Variants in DRD3 observed in about 807,000 individuals in gnomAD.
DRD3 encodes the protein D(3) dopamine receptor.
A neutral mutation model predicts 36.3 loss-of-function variants in DRD3; 19 were observed. The ratio of observed to expected loss-of-function variants is 0.52; its 90% CI spans 0.36 to 0.77. The LOEUF is 0.77. DRD3 is among the 30% of genes least tolerant of loss of function. The pLI, the probability that DRD3 is intolerant of heterozygous loss-of-function variation, is 0.00. For synonymous variants in DRD3, 195 were observed against 203.7 expected (o/e 0.96, Z 0.36); for missense variants, 465 against 505.3 (o/e 0.92, Z 0.77).
rs568450027 is a variant in DRD3 at position 114,161,468 on chromosome 3, C to T, written c.271-1601G>A. 5.9e-5 allele frequency among the ~76,000 whole-genome samples: 9 copies of T among 152,314 alleles called. No individual in the cohort carries two copies. In the East Asian group the frequency reaches 1.7e-3, roughly 29 times the overall value. On this transcript the variant is annotated intron_variant, in intron 2 of 6. Coordinates refer to ENST00000383673, the MANE Select transcript of DRD3 (RefSeq NM_000796.6). ...CTTCCCTGTCCCTGATAACTTCTTC[C>T]CATTGGATTTATTTCTTTTTTTGCA...
At chr3:114,134,456 T>C (rs1008162452) in intron 5 of DRD3, among the ~76,000 whole-genome samples, 2 of 152,080 alleles carry the variant, frequency 1.3e-5, no homozygotes, top group African/African-American at 4.8e-5. Context: ...AGTCTCACTC[T>C]GTCACCAGGC....
At chr3:114,153,151 A>T (rs1235355462) in intron 3 of DRD3, among the ~76,000 whole-genome samples, 1 of 152,160 alleles carries the variant, frequency 6.6e-6, no homozygotes, top group African/African-American at 2.4e-5. Context: ...CTGTGTAGCC[A>T]TGGGCCAGTG....
intron 1 of DRD3, among the ~76,000 whole-genome samples, chr3:114,191,765 T>C: frequency 6.6e-6 from 1 of 152,084 alleles, no homozygotes; most frequent in East Asian, 1.9e-4. Flanking sequence ...GGATAAATTG[T>C]GGGACATGAG....
Position 114,197,277 on chromosome 3 carries a change from ATTTTTT to A in DRD3, c.-156+1990_-156+1995del, listed in dbSNP as rs58452737. Among the ~76,000 whole-genome samples the A allele has an allele frequency of 5.0e-3, 443 of 89,374 alleles. 1 individual carries two copies. Among genetic ancestry groups the A allele is most frequent in the African/African-American group, 0.019 (411 of 21,112 alleles). 58.6% of individuals were successfully genotyped at this position (89,374 alleles called of 152,430 possible). A position where few individuals can be genotyped will look rare whatever the true frequency, so the allele number is the denominator to read the frequency against. The stretch of plus-strand genomic sequence containing the variant: ...TAGGTGCACTTGGCTAATTAAAAAA[ATTTTTT>A]TTTTTTTTTTTTTTTTTTGTAGAGA... On this transcript the variant is annotated intron_variant, in intron 1 of 7. Transcript: ENST00000460779.
chr3:114,194,207 C>A (rs1393494639), intron 1 of DRD3, among the ~76,000 whole-genome samples: 1 of 152,172 alleles, frequency 6.6e-6, no homozygotes, highest in Non-Finnish European at 1.5e-5. Flanking sequence ...TTGTTTCCAT[C>A]CAACTGGTGG....
chr3:114,181,631 C>A (rs1358160318), upstream of DRD3, among the ~76,000 whole-genome samples: 1 of 152,158 alleles, frequency 6.6e-6, no homozygotes, highest in Non-Finnish European at 1.5e-5. Context: ...AATAGCATGG[C>A]TGGAACATTC....
chr3:114,195,406 C>A (rs1476789156), intron 1 of DRD3, among the ~76,000 whole-genome samples: 1 of 152,032 alleles, frequency 6.6e-6, no homozygotes, highest in Non-Finnish European at 1.5e-5. Context: ...GATTGACATA[C>A]CCTGGAAAAA....
chr3:114,149,760 A>G (rs1470106735), intron 3 of DRD3, among the ~76,000 whole-genome samples: 1 of 152,188 alleles, frequency 6.6e-6, no homozygotes, highest in Non-Finnish European at 1.5e-5. Flanking sequence ...TTTTTAGGAG[A>G]TGGCAAAAGG....
At position 114,152,246 on chromosome 3, in the gene DRD3, G is replaced by T. The variant is rs144411800; in HGVS notation, c.384-4689C>A. On this transcript the variant is annotated intron_variant, in intron 3 of 6. Transcript: ENST00000383673. ...CTTCATCTGATGCAAGTCCTCTCTC[G>T]AATCCCCCTCCTTGGGGATTCTTCC... 1.9e-3 allele frequency among the ~76,000 whole-genome samples: 284 copies of T among 152,040 alleles called. 1 individual carries two copies. The highest frequency in any genetic ancestry group is 2.7e-3 in the Non-Finnish European group (185 of 67,964).
intron 1 of DRD3, among the ~76,000 whole-genome samples, chr3:114,190,452 ATATATATATATTTTTTTTTTTTTTTTTTT>A (rs2078003493): frequency 8.1e-5 from 1 of 12,402 alleles, no homozygotes; most frequent in African/African-American, 5.0e-4. Flanking sequence ...ATATATATAT[ATATATATATATTTTTTTTTTTTTTTTTTT>A]TTTTTTTTTT....
At chr3:114,177,929 A>G (rs1246723653) in intron 1 of DRD3, among the ~76,000 whole-genome samples, 3 of 152,246 alleles carry the variant, frequency 2.0e-5, no homozygotes. Context: ...ATAGTCATGC[A>G]CAATGAGTTT....
At chr3:114,139,088 G>C (rs1396428154) in intron 5 of DRD3, among the ~76,000 whole-genome samples, 1 of 152,178 alleles carries the variant, frequency 6.6e-6, no homozygotes, top group Non-Finnish European at 1.5e-5. Context: ...AAGGAAAAAA[G>C]GCTTTGATGG....
intron 1 of DRD3, among the ~76,000 whole-genome samples, chr3:114,198,038 T>C (rs986046507): frequency 6.6e-6 from 1 of 152,184 alleles, no homozygotes; most frequent in Non-Finnish European, 1.5e-5. Flanking sequence ...ATAGATCTTC[T>C]ATATAAATCT....
chr3:114,128,933 G>C (rs2077402207), intron 6 of DRD3, 21 bp from the exon 7 acceptor site: 7 of 1,549,122 alleles, frequency 4.5e-6, no homozygotes, highest in Non-Finnish European at 5.2e-6. Context: ...AAATAAGAGA[G>C]AAACTGGGTA....
chr3:114,132,936 A>G (rs1042334469), intron 5 of DRD3, among the ~76,000 whole-genome samples: 3 of 152,158 alleles, frequency 2.0e-5, no homozygotes, highest in African/African-American at 7.2e-5. Flanking sequence ...TTAGAAAACT[A>G]TTAATTTTTT....
chr3:114,128,657 G>A lies in DRD3; in HGVS notation c.*59C>T, dbSNP rs751373947. 73 of 1,491,336 alleles carry A rather than the reference G, an allele frequency of 4.9e-5. No individual in the cohort carries two copies. The highest frequency in any genetic ancestry group is 2.6e-4 in the South Asian group (19 of 72,400). 92.4% of individuals were successfully genotyped at this position (1,491,336 alleles called of 1,614,324 possible). Reference sequence around the variant, plus strand: ...GGAGGACACTGCACAGTCTTTCTGAGTGGGCCAACAGCCTGGCAGCTAGAA... The same window carrying A: ...GGAGGACACTGCACAGTCTTTCTGAATGGGCCAACAGCCTGGCAGCTAGAA... On this transcript the variant is annotated 3_prime_UTR_variant, in exon 7 of 7. Coordinates refer to ENST00000383673, the MANE Select transcript of DRD3 (RefSeq NM_000796.6).
chr3:114,189,927 C>T (rs1247088929), intron 1 of DRD3, among the ~76,000 whole-genome samples: 1 of 152,028 alleles, frequency 6.6e-6, no homozygotes, highest in East Asian at 1.9e-4. Flanking sequence ...TGATGGTTTC[C>T]ATGTTATGCA....
intron 2 of DRD3, among the ~76,000 whole-genome samples, chr3:114,162,782 G>T (rs1284355188): frequency 6.6e-6 from 1 of 152,166 alleles, no homozygotes; most frequent in Non-Finnish European, 1.5e-5. Context: ...AGGGATAGTT[G>T]TTGGAAAAGG....
chr3:114,132,933 A>G (rs944979642), intron 5 of DRD3, among the ~76,000 whole-genome samples: 2 of 152,136 alleles, frequency 1.3e-5, no homozygotes, highest in African/African-American at 4.8e-5. Context: ...ATATTAGAAA[A>G]CTATTAATTT....
Sources: allele counts gnomAD v4.1 joint callset (sites outside exome capture counted in the v4.1 genomes callset), GRCh38; gene constraint gnomAD v4.1.1; transcripts MANE v1.5; gene names NCBI Gene and HGNC (gene_info 2026-07-23, HGNC 2026-07-21).